TRAPPC9: variants seen among roughly 807,000 people sequenced by gnomAD.
TRAPPC9 encodes trafficking protein particle complex subunit 9, also known as IKK2 binding protein.
In TRAPPC9, 83 loss-of-function variants were observed where a neutral mutation model predicts 124.0. That is an observed-to-expected ratio of 0.67 (90% CI 0.56 to 0.80). TRAPPC9 has a LOEUF of 0.80. Among genes scored for constraint, TRAPPC9 ranks in the 30% least tolerant of loss-of-function variants. The pLI is 0.00. For missense variants in TRAPPC9, 1,302 were observed against 1,508.3 expected (o/e 0.86, Z 2.27); for synonymous variants, 638 against 617.5 (o/e 1.03, Z -0.49).
chr8:140,091,884 G>A lies in TRAPPC9; in HGVS notation c.2557-67805C>T, dbSNP rs529008206. Among the ~76,000 whole-genome samples the A allele has an allele frequency of 2.4e-4, 37 of 152,166 alleles. No homozygotes were observed. The East Asian group carries it at 5.0e-3, about 21-fold the overall frequency. On this transcript the variant is annotated intron_variant, in intron 17 of 22. Transcript: ENST00000438773. ...CCTGGGGACAGAGGCCAACCCCAGC[G>A]TGCTTTCAAGACCTTCTACAGTGGC...
intron 21 of TRAPPC9, among the ~76,000 whole-genome samples, chr8:139,756,515 G>T (rs1397126050): frequency 2.8e-5 from 4 of 141,160 alleles, no homozygotes; most frequent in Admixed American, 6.9e-5. Context: ...AGGGTTTGGG[G>T]ATGAGGACAG....
chr8:140,418,986 C>A (rs1159622288), intron 5 of TRAPPC9, among the ~76,000 whole-genome samples: 1 of 152,184 alleles, frequency 6.6e-6, no homozygotes, highest in Non-Finnish European at 1.5e-5. Flanking sequence ...AACACCCTTT[C>A]GTGATGGCAC....
At chr8:140,165,266 G>A (rs924096098) in intron 17 of TRAPPC9, among the ~76,000 whole-genome samples, 9 of 152,012 alleles carry the variant, frequency 5.9e-5, no homozygotes, top group Middle Eastern at 3.4e-3. Flanking sequence ...GCTTGAACCC[G>A]GGAGGCAGAG....
intron 22 of TRAPPC9, 72 bp from the exon 23 acceptor site, chr8:139,731,300 G>T: frequency 6.4e-7 from 1 of 1,570,050 alleles, no homozygotes; most frequent in Non-Finnish European, 8.7e-7. Context: ...AGGAATCCTG[G>T]GAATCTGCCT....
At chr8:140,190,428 A>AAC (rs2062464783) in intron 17 of TRAPPC9, among the ~76,000 whole-genome samples, 1 of 152,160 alleles carries the variant, frequency 6.6e-6, no homozygotes, top group Admixed American at 6.5e-5. Context: ...ACTGTACTCC[A>AAC]ACTTGGGCGA....
At chr8:139,780,249 T>C (rs780085467) in intron 21 of TRAPPC9, among the ~76,000 whole-genome samples, 16 of 152,290 alleles carry the variant, frequency 1.1e-4, no homozygotes, top group Non-Finnish European at 1.8e-4. Context: ...GACACTACCC[T>C]ATGTTAAGCC....
intron 21 of TRAPPC9, among the ~76,000 whole-genome samples, chr8:139,860,982 C>T (rs992429479): frequency 4.6e-5 from 7 of 152,258 alleles, no homozygotes; most frequent in African/African-American, 1.7e-4. Flanking sequence ...AGGCGTCTCA[C>T]AGGCTGGCGC....
intron 9 of TRAPPC9, among the ~76,000 whole-genome samples, chr8:140,344,992 C>A (rs544388254): frequency 1.6e-4 from 24 of 152,334 alleles, no homozygotes; most frequent in African/African-American, 5.8e-4. Context: ...ACGACAGCGT[C>A]AAGGTTTCTG....
At chr8:140,143,650 A>G (rs923295932) in intron 17 of TRAPPC9, among the ~76,000 whole-genome samples, 1 of 152,226 alleles carries the variant, frequency 6.6e-6, no homozygotes, top group Admixed American at 6.5e-5. Context: ...CTCCTACATT[A>G]TCTTCTAAAA....
intron 17 of TRAPPC9, among the ~76,000 whole-genome samples, chr8:140,036,679 G>A (rs560896014): frequency 9.9e-4 from 151 of 152,202 alleles, no homozygotes; most frequent in African/African-American, 3.2e-3. Context: ...CTGAAGAGAC[G>A]TGGCTCACAG....
At chr8:139,862,206 T>G (rs373613391) in intron 21 of TRAPPC9, among the ~76,000 whole-genome samples, 1 of 152,254 alleles carries the variant, frequency 6.6e-6, no homozygotes, top group Non-Finnish European at 1.5e-5. Context: ...CCCCAGGGCC[T>G]CAGCTCTTCC....
chr8:140,350,618 G>A (rs1179472546), intron 9 of TRAPPC9, among the ~76,000 whole-genome samples: 4 of 152,078 alleles, frequency 2.6e-5, no homozygotes, highest in Admixed American at 6.6e-5. Context: ...CAGAAGAGCC[G>A]GGGGTCACGG....
chr8:140,015,444 A>C (rs184384121), intron 18 of TRAPPC9, among the ~76,000 whole-genome samples: 287 of 152,322 alleles, frequency 1.9e-3, no homozygotes, highest in African/African-American at 6.2e-3. Context: ...AACTTCAATA[A>C]ACTGCAAAGG....
chr8:140,033,676 T>TTGTTG (rs1563706875), intron 17 of TRAPPC9, among the ~76,000 whole-genome samples: 9 of 105,788 alleles, frequency 8.5e-5, no homozygotes, highest in Admixed American at 1.9e-4. Flanking sequence ...TTTTTTTTTT[T>TTGTTG]TTTTTTTTTT....
chr8:140,454,544 G>A (rs568017431), intron 1 of TRAPPC9, among the ~76,000 whole-genome samples: 6 of 150,186 alleles, frequency 4.0e-5, no homozygotes, highest in Non-Finnish European at 7.4e-5. Flanking sequence ...GGAGGCTGAG[G>A]CAGGAGAATC....
chr8:140,106,321 C>T (rs1379329498), intron 17 of TRAPPC9, among the ~76,000 whole-genome samples: 1 of 152,126 alleles, frequency 6.6e-6, no homozygotes, highest in African/African-American at 2.4e-5. Context: ...CTGACAGGTA[C>T]CTAGGTAACT....
chr8:139,990,834 G>A (rs1359724225), intron 18 of TRAPPC9, among the ~76,000 whole-genome samples: 8 of 151,532 alleles, frequency 5.3e-5, no homozygotes, highest in Admixed American at 4.6e-4. Context: ...TGATCTGCCC[G>A]CCTAGGCCTC....
rs922558491 is a variant in TRAPPC9, at chr8:139,776,133, C to T, written c.3056-43931G>A. Among the ~76,000 whole-genome samples, 3 of 152,212 alleles carry T rather than the reference C, an allele frequency of 2.0e-5. No individual in the cohort carries two copies. Among genetic ancestry groups the T allele is most frequent in the Non-Finnish European group, 2.9e-5 (2 of 68,048 alleles). On this transcript the variant is annotated intron_variant, in intron 21 of 22. Transcript: ENST00000438773. The surrounding 1 kb of genome is among the most constrained non-coding windows in gnomAD (Gnocchi z 4.1). ...GACAAGAGGACGAGGCTGGACTCTGCCAGGACCACGTGCTAGTCATGGGGG... is the reference window on the plus strand; with the variant it reads ...GACAAGAGGACGAGGCTGGACTCTGTCAGGACCACGTGCTAGTCATGGGGG...
At chr8:139,997,972 G>A (rs1838147393) in intron 18 of TRAPPC9, among the ~76,000 whole-genome samples, 2 of 147,314 alleles carry the variant, frequency 1.4e-5, no homozygotes, top group African/African-American at 5.0e-5. Flanking sequence ...TCCTACACAG[G>A]GGAGACAATG....
Sources: allele counts gnomAD v4.1 joint callset (sites outside exome capture counted in the v4.1 genomes callset), GRCh38; gene constraint gnomAD v4.1.1; non-coding constraint Gnocchi (gnomAD v3.1); transcripts MANE v1.5; gene names NCBI Gene and HGNC (gene_info 2026-07-23, HGNC 2026-07-21).